The following ZC3H7A variants were observed in gnomAD, a reference collection of about 807,000 sequenced individuals.
The protein encoded by ZC3H7A is zinc finger CCCH domain-containing protein 7A.
In ZC3H7A, 44 loss-of-function variants were observed where a neutral mutation model predicts 125.5. That is an observed-to-expected ratio of 0.35 (90% CI 0.28 to 0.45). The LOEUF is 0.45. Ranked by LOEUF, ZC3H7A falls within the 20% of genes least tolerant of loss-of-function variation. The probability of loss-of-function intolerance (pLI) is 1.00; values close to 1 mark genes in which losing one functional copy is unlikely to be tolerated. For missense variants in ZC3H7A, 977 were observed against 1,170.7 expected, an observed-to-expected ratio of 0.83 and a Z score of 2.41; for synonymous variants, 399 against 391.2, an observed-to-expected ratio of 1.02 and a Z score of -0.23.
chr16:11,780,774 A>G (rs1417862177), intron 3 of ZC3H7A, among the ~76,000 whole-genome samples: 1 of 152,178 alleles, frequency 6.6e-6, no homozygotes, highest in Non-Finnish European at 1.5e-5. Context: ...CCTCAGAGGA[A>G]AAAAAACACA....
chr16:11,761,847 T>C, intron 18 of ZC3H7A, 63 bp downstream of exon 18: 8 of 1,589,456 alleles, frequency 5.0e-6, no homozygotes, highest in Non-Finnish European at 6.8e-6. Flanking sequence ...CTTATGTGTA[T>C]AATTTTATAC....
chr16:11,770,774 G>T lies in ZC3H7A; in HGVS notation c.1108+9C>A. Reference sequence around the variant, plus strand: ...CTGCAATTGTTTACAATTTAGATTTGGTTCTTACCTCGTTTGGATTCACTC... The same window carrying T: ...CTGCAATTGTTTACAATTTAGATTTTGTTCTTACCTCGTTTGGATTCACTC... On this transcript the variant is annotated intron_variant, in intron 10 of 22. Coordinates refer to ENST00000355758, the MANE Select transcript of ZC3H7A (RefSeq NM_014153.4). The T allele has an allele frequency of 6.3e-7, 1 of 1,599,450 alleles. No individual in the cohort carries two copies. The highest frequency in any genetic ancestry group is 8.5e-7 in the Non-Finnish European group (1 of 1,171,474).
At position 11,781,866 on chromosome 16, in the gene ZC3H7A, C is replaced by T. The variant is rs752911261; in HGVS notation, c.69-402G>A. Among the ~76,000 whole-genome samples, 17 of 152,164 alleles carry T rather than the reference C, an allele frequency of 1.1e-4. No individual in the cohort carries two copies. The East Asian group carries it at 1.2e-3, about 10-fold the overall frequency. On this transcript the variant is annotated intron_variant, in intron 2 of 22. Coordinates refer to ENST00000355758, the MANE Select transcript of ZC3H7A (RefSeq NM_014153.4). ...GAAGGAACAAAGAGGCCCTTCTGCC[C>T]GGACATGTCCATCCAAACCACAGCT... is the stretch of plus-strand genomic sequence containing the variant.
At chr16:11,763,749 A>T (rs1284807909) in intron 15 of ZC3H7A, 90 bp from the exon 16 acceptor site, 3 of 123,012 alleles carry the variant, frequency 2.4e-5, no homozygotes, top group South Asian at 3.3e-4. Context: ...ATATATATAT[A>T]TATATATATA....
rs2053427407 is a variant in ZC3H7A, at chr16:11,795,787, A to G, written c.-35+1337T>C. Among the ~76,000 whole-genome samples, 3 of 152,108 alleles carry G rather than the reference A, an allele frequency of 2.0e-5. No homozygotes were observed. In the South Asian group the frequency reaches 6.2e-4, roughly 31 times the overall value. ...AATAGCCACACTAAAAAAAGAGAAA[A>G]AGAAAAGCAGTGAGATTAACTTTTG... On this transcript the variant is annotated intron_variant, in intron 1 of 22. Coordinates refer to ENST00000355758, the MANE Select transcript of ZC3H7A (RefSeq NM_014153.4).
chr16:11,772,452 G>A (rs1555495816), intron 9 of ZC3H7A, among the ~76,000 whole-genome samples: 1 of 151,700 alleles, frequency 6.6e-6, no homozygotes, highest in Non-Finnish European at 1.5e-5. Context: ...TCTTAAAACA[G>A]CTCTCTCAGA....
intron 20 of ZC3H7A, among the ~76,000 whole-genome samples, chr16:11,757,119 C>G (rs995044203): frequency 1.3e-5 from 2 of 152,088 alleles, no homozygotes; most frequent in African/African-American, 2.4e-5. Flanking sequence ...GATGCCTGAG[C>G]AACTTCTGCC....
chr16:11,775,076 G>C (rs2053056798), intron 7 of ZC3H7A, 63 bp from the exon 8 acceptor site: 3 of 1,580,418 alleles, frequency 1.9e-6, no homozygotes, highest in Non-Finnish European at 8.7e-7. Flanking sequence ...AAAACAATCA[G>C]TAAAACTCAC....
Position 11,763,667 on chromosome 16 carries a change from G to A in ZC3H7A, c.1821-8C>T. ...AAAATGTGGACAAGGCACCTAAGAT[G>A]AAAACAGTGACATTTTAATATTGTT... On this transcript the variant is annotated splice_polypyrimidine_tract_variant and splice_region_variant and intron_variant, in intron 15 of 22. Transcript: ENST00000355758. The A allele has an allele frequency of 6.9e-7, 1 of 1,444,822 alleles. No homozygotes were observed. The highest frequency in any genetic ancestry group is 1.3e-5 in the South Asian group (1 of 75,560). 89.5% of individuals were successfully genotyped at this position (1,444,822 alleles called of 1,614,324 possible).
At chr16:11,760,328 A>C (rs1156551035) in intron 19 of ZC3H7A, among the ~76,000 whole-genome samples, 2 of 152,150 alleles carry the variant, frequency 1.3e-5, no homozygotes, top group Non-Finnish European at 2.9e-5. Context: ...CTTGATATAC[A>C]TATTATCTCC....
chr16:11,770,739 A>T, intron 10 of ZC3H7A, 44 bp downstream of exon 10: 1 of 1,535,402 alleles, frequency 6.5e-7, no homozygotes, highest in Non-Finnish European at 8.9e-7. Context: ...TTTCATTTTG[A>T]GAAAATCAAC....
rs186062529 is a variant in ZC3H7A, at chr16:11,754,363, T to G, written c.2563-1531A>C. Among the ~76,000 whole-genome samples the G allele has an allele frequency of 1.2e-3, 175 of 144,114 alleles. 1 individual carries two copies. Among genetic ancestry groups the G allele is most frequent in the Non-Finnish European group, 1.6e-3 (108 of 66,190 alleles). The allele number at this position is 144,114 out of a possible 152,430, so 94.5% of individuals were successfully genotyped here. ...AATAAAATAAACACCAAGGAGCACT[T>G]AAGTAAAGGTAGCAAGGGAATCAAT... On this transcript the variant is annotated intron_variant, in intron 21 of 22. Coordinates refer to ENST00000355758, the MANE Select transcript of ZC3H7A (RefSeq NM_014153.4).
intron 3 of ZC3H7A, among the ~76,000 whole-genome samples, chr16:11,781,136 C>T (rs931685187): frequency 2.0e-5 from 3 of 152,044 alleles, no homozygotes; most frequent in African/African-American, 7.2e-5. Flanking sequence ...GGTTGGCAAA[C>T]TTTTTCTGCA....
chr16:11,790,697 G>A (rs764125302), intron 1 of ZC3H7A, among the ~76,000 whole-genome samples: 2 of 151,688 alleles, frequency 1.3e-5, no homozygotes, highest in African/African-American at 4.8e-5. Context: ...ACGCCAAAAC[G>A]CCCGGCTAAT....
rs2141177272 is a variant in ZC3H7A, at chr16:11,765,300, T to C, written c.1720-147A>G. 1 of 658,062 alleles carries C rather than the reference T, an allele frequency of 1.5e-6. No homozygotes were observed. Among genetic ancestry groups the C allele is most frequent in the East Asian group, 3.1e-5 (1 of 31,958 alleles). 40.8% of individuals were successfully genotyped at this position (658,062 alleles called of 1,614,324 possible). A position where few individuals can be genotyped will look rare whatever the true frequency, so the allele number is the denominator to read the frequency against. ...TTTGGTAACAGTAATAGCCAACATT[T>C]ACTGAATGAATGTTTTATCACATGG... is the stretch of plus-strand genomic sequence containing the variant. On this transcript the variant is annotated intron_variant, in intron 14 of 22. Coordinates refer to ENST00000355758, the MANE Select transcript of ZC3H7A (RefSeq NM_014153.4). The surrounding 1 kb of genome is among the most constrained non-coding windows in gnomAD (Gnocchi z 4.8).
At chr16:11,786,382 G>C (rs2053257309) in intron 1 of ZC3H7A, among the ~76,000 whole-genome samples, 2 of 152,316 alleles carry the variant, frequency 1.3e-5, no homozygotes, top group South Asian at 4.1e-4. Flanking sequence ...CTTTCTCTCA[G>C]CCTCTATCTA....
At position 11,781,474 on chromosome 16, in the gene ZC3H7A, A is replaced by C; in HGVS notation, c.69-10T>G. ...ATATGACAGCGGTGACCTAAGAAGA[A>C]GAAACAAATTAACTGTAATTATCAA... On this transcript the variant is annotated splice_polypyrimidine_tract_variant and intron_variant, in intron 2 of 22. Coordinates refer to ENST00000355758, the MANE Select transcript of ZC3H7A (RefSeq NM_014153.4). 2 of 1,602,026 alleles carry C rather than the reference A, an allele frequency of 1.2e-6. No homozygotes were observed. Among genetic ancestry groups the C allele is most frequent in the Non-Finnish European group, 1.7e-6 (2 of 1,171,740 alleles).
rs1488488368 is a variant in ZC3H7A at position 11,768,312 on chromosome 16, G to A, written c.1360+3C>T. ...ACTCTCTGCGTGTTTGTTTGGTCCT[G>A]ACCTGATTTTACAAAACAGATCTGG... On this transcript the variant is annotated splice_donor_region_variant and intron_variant, in intron 12 of 22. Transcript: ENST00000355758. The A allele has an allele frequency of 2.0e-6, 3 of 1,530,746 alleles. No individual in the cohort carries two copies. Among genetic ancestry groups the A allele is most frequent in the Non-Finnish European group, 2.7e-6 (3 of 1,129,568 alleles). The allele number at this position is 1,530,746 out of a possible 1,614,324, so 94.8% of individuals were successfully genotyped here.
intron 1 of ZC3H7A, among the ~76,000 whole-genome samples, chr16:11,793,808 A>G (rs2053390742): frequency 6.6e-6 from 1 of 152,232 alleles, no homozygotes; most frequent in Admixed American, 6.5e-5. Flanking sequence ...ACTTTATGAA[A>G]CAGTTTCTCC....
Sources: gnomAD v4.1 joint callset for allele counts (sites outside exome capture counted in the v4.1 genomes callset) on GRCh38, gnomAD v4.1.1 for gene constraint, Gnocchi (gnomAD v3.1) non-coding constraint, MANE v1.5 for transcripts, NCBI Gene and HGNC (gene_info 2026-07-23, HGNC 2026-07-21) for gene names.